Variants in ARHGAP25 observed in about 807,000 individuals in gnomAD.
ARHGAP25 encodes the protein rho GTPase-activating protein 25.
ARHGAP25 carries 34 observed loss-of-function variants against 71.0 expected under a neutral mutation model. That is an observed-to-expected ratio of 0.48 (90% CI 0.36 to 0.64). ARHGAP25 has a LOEUF of 0.64. Ranked by LOEUF, ARHGAP25 falls within the 30% of genes least tolerant of loss-of-function variation. The probability of loss-of-function intolerance (pLI) is 0.00; values close to 1 mark genes in which losing one functional copy is unlikely to be tolerated. For synonymous variants in ARHGAP25, 282 were observed against 296.5 expected (o/e 0.95, Z 0.50); for missense variants, 706 against 805.1 (o/e 0.88, Z 1.49).
chr2:68,819,636 TACA>T, intron 9 of ARHGAP25: 3 of 570,468 alleles, frequency 5.3e-6, no homozygotes, highest in South Asian at 4.7e-5. Flanking sequence ...GAAAAATGTA[TACA>T]ACATTGTAAA....
chr2:68,746,285 C>T (rs1057023567), intron 1 of ARHGAP25, among the ~76,000 whole-genome samples: 5 of 152,186 alleles, frequency 3.3e-5, no homozygotes, highest in South Asian at 2.1e-4. Context: ...CAAAAGTTTT[C>T]GTCTACCCAC....
intron 1 of ARHGAP25, among the ~76,000 whole-genome samples, chr2:68,757,365 T>C (rs1277779282): frequency 6.6e-6 from 1 of 152,172 alleles, no homozygotes; most frequent in Non-Finnish European, 1.5e-5. Flanking sequence ...AGATACACTA[T>C]AATCAAACTA....
intron 4 of ARHGAP25, among the ~76,000 whole-genome samples, chr2:68,796,285 A>G (rs72901785): frequency 0.056 from 8,533 of 152,204 alleles, 806 homozygotes; most frequent in African/African-American, 0.19. Flanking sequence ...CTTGCATCTA[A>G]TTAGGCTTCC....
At chr2:68,715,906 G>A (rs373042145) in intron 2 of ARHGAP25, among the ~76,000 whole-genome samples, 3 of 152,158 alleles carry the variant, frequency 2.0e-5, no homozygotes, top group African/African-American at 4.8e-5. Context: ...TACATGAACA[G>A]GTGAGGGCGG....
At chr2:68,735,311 C>G in intron 1 of ARHGAP25, 51 bp downstream of exon 1, 1 of 1,553,656 alleles carries the variant, frequency 6.4e-7, no homozygotes, top group Non-Finnish European at 8.9e-7. Context: ...TATACTCGAG[C>G]ACCATTTGCA....
intron 4 of ARHGAP25, among the ~76,000 whole-genome samples, chr2:68,791,375 T>C (rs1679162054): frequency 1.3e-5 from 2 of 152,238 alleles, no homozygotes; most frequent in South Asian, 2.1e-4. Context: ...AATCAAGTCA[T>C]TTTCCCATAG....
At position 68,822,380 on chromosome 2, in the gene ARHGAP25, C is replaced by T. The variant is rs780557448; in HGVS notation, c.1241C>T (p.Pro414Leu). 22 of 1,613,952 alleles carry T rather than the reference C, an allele frequency of 1.4e-5. No individual in the cohort carries two copies. The highest frequency in any genetic ancestry group is 4.5e-5 in the East Asian group (2 of 44,894). Reference sequence around the variant, plus strand: ...ACAACCAGCCCCACCGGACAGCAGCCGAGCGATGCGTTTCCGGAGGACAGC... The same window carrying T: ...ACAACCAGCCCCACCGGACAGCAGCTGAGCGATGCGTTTCCGGAGGACAGC... The part of the protein sequence containing the change: ...SDTTSPTGQQ[P>L]SDAFPEDSSK... Residue 414 changes from proline (P) to leucine (L), a missense_variant, in exon 10 of 11, where the codon CCG becomes CTG. Pro to Leu is a moderately conservative substitution (Grantham distance 98). Coordinates refer to ENST00000409202, the MANE Select transcript of ARHGAP25 (RefSeq NM_001007231.3).
At chr2:68,735,546 T>TG in intron 1 of ARHGAP25, 1 of 512,698 alleles carries the variant, frequency 2.0e-6, no homozygotes, top group Non-Finnish European at 3.5e-6. Context: ...AACTGTGAGT[T>TG]TTTAGCATAT....
chr2:68,735,110 A>G lies in ARHGAP25; in HGVS notation c.-90A>G, dbSNP rs1436344358. 8.6e-7 allele frequency: 1 copy of G among 1,164,274 alleles called. No homozygotes were observed. Among genetic ancestry groups the G allele is most frequent in the East Asian group, 2.3e-5 (1 of 42,698 alleles). 72.1% of individuals were successfully genotyped at this position (1,164,274 alleles called of 1,614,324 possible). On this transcript the variant is annotated 5_prime_UTR_variant, in exon 1 of 11. Transcript: ENST00000409202. ...ATAAGGAGGAACAAAAACAGACACA[A>G]AAACAGAGGGAAAGAGTGAAAAGAC... is the stretch of plus-strand genomic sequence containing the variant.
chr2:68,753,634 C>G (rs1465857659), intron 1 of ARHGAP25, among the ~76,000 whole-genome samples: 2 of 152,144 alleles, frequency 1.3e-5, no homozygotes, highest in East Asian at 1.9e-4. Context: ...AAATGTTACT[C>G]CCGGATCACT....
intron 1 of ARHGAP25, among the ~76,000 whole-genome samples, chr2:68,750,298 A>T (rs1406485136): frequency 3.4e-5 from 5 of 148,422 alleles, no homozygotes. Flanking sequence ...GACATGAGCC[A>T]CTGCGCCCAG....
chr2:68,724,146 G>A (rs778669244), intron 2 of ARHGAP25, among the ~76,000 whole-genome samples: 5 of 152,130 alleles, frequency 3.3e-5, no homozygotes, highest in Admixed American at 6.5e-5. Flanking sequence ...GAGAAGGACC[G>A]TCAGATGAGT....
chr2:68,811,645 G>A (rs1336604937), intron 5 of ARHGAP25, among the ~76,000 whole-genome samples: 1 of 25,870 alleles, frequency 3.9e-5, no homozygotes, highest in Non-Finnish European at 8.4e-5. Flanking sequence ...GGCTGCAAAG[G>A]GGAAGCCTTT....
chr2:68,818,995 C>A, intron 8 of ARHGAP25, 128 bp from the exon 9 acceptor site: 1 of 757,962 alleles, frequency 1.3e-6, no homozygotes, highest in Non-Finnish European at 2.1e-6. Context: ...TTTTGAGAAG[C>A]AAAATGAGGC....
chr2:68,776,919 G>C (rs1396166614), intron 2 of ARHGAP25, among the ~76,000 whole-genome samples: 1 of 152,034 alleles, frequency 6.6e-6, no homozygotes, highest in African/African-American at 2.4e-5. Flanking sequence ...TTCTTTAAGG[G>C]CAGGCTTGAG....
intron 4 of ARHGAP25, among the ~76,000 whole-genome samples, chr2:68,799,688 A>G (rs1467834869): frequency 1.3e-5 from 2 of 152,154 alleles, no homozygotes; most frequent in Admixed American, 1.3e-4. Flanking sequence ...CTTTATGTTC[A>G]CTGTTTAAAA....
chr2:68,810,851 C>T (rs1486660899), intron 5 of ARHGAP25, among the ~76,000 whole-genome samples: 2 of 151,292 alleles, frequency 1.3e-5, no homozygotes, highest in African/African-American at 2.4e-5. Context: ...AAGTTATTCT[C>T]CTGCCTCAGC....
At chr2:68,774,216 G>T (rs1048576271) in intron 1 of ARHGAP25, among the ~76,000 whole-genome samples, 1 of 152,128 alleles carries the variant, frequency 6.6e-6, no homozygotes, top group Non-Finnish European at 1.5e-5. Flanking sequence ...GGAGACAAGG[G>T]CATCATTGAA....
intron 2 of ARHGAP25, among the ~76,000 whole-genome samples, chr2:68,723,065 C>G (rs1674800901): frequency 6.6e-6 from 1 of 152,126 alleles, no homozygotes; most frequent in Non-Finnish European, 1.5e-5. Flanking sequence ...CATTCCAGTG[C>G]TCATTTAGAT....
Sources: gnomAD v4.1 joint callset for allele counts (sites outside exome capture counted in the v4.1 genomes callset) on GRCh38, gnomAD v4.1.1 for gene constraint, MANE v1.5 for transcripts, NCBI Gene and HGNC (gene_info 2026-07-23, HGNC 2026-07-21) for gene names.